Variants in SNRPD3 observed in about 807,000 individuals in gnomAD.
SNRPD3 encodes small nuclear ribonucleoprotein Sm D3.
For synonymous variants in SNRPD3, 66 were observed against 58.4 expected, an observed-to-expected ratio of 1.13 and a Z score of -0.59; for missense variants, 73 against 167.5, an observed-to-expected ratio of 0.44 and a Z score of 3.11.
Position 24,556,332 on chromosome 22 carries a change from C to A in SNRPD3, c.-19+261C>A, listed in dbSNP as rs562563021. The stretch of plus-strand genomic sequence containing the variant: ...CCAGGCAGTAATCTCGAAGTCATTT[C>A]TGATTGACTATCTCCTTCCCCCAAA... On this transcript the variant is annotated intron_variant, in intron 1 of 3. Coordinates refer to ENST00000215829, the MANE Select transcript of SNRPD3 (RefSeq NM_004175.5). Among the ~76,000 whole-genome samples the A allele has an allele frequency of 3.4e-4, 51 of 151,050 alleles. 1 individual carries two copies. Among genetic ancestry groups the A allele is most frequent in the East Asian group, 7.8e-4 (4 of 5,146 alleles).
upstream of SNRPD3, chr22:24,555,824 A>G (rs367997605): frequency 1.5e-5 from 23 of 1,545,900 alleles, no homozygotes; most frequent in Middle Eastern, 6.5e-4. Context: ...GGGCCCAGTC[A>G]TCAGCCCTCT....
Position 24,571,949 on chromosome 22 carries a change from G to C in SNRPD3, c.353G>C (p.Arg118Pro). ...AARGRGRGMGRGNIFQKRR is the reference protein window; with the variant it reads ...AARGRGRGMGPGNIFQKRR ...AGAGGAAGAGGACGTGGAATGGGAC[G>C]TGGAAACATCTTTCAAAAGCGAAGA... The change falls in exon 4 of 4, where the codon CGT becomes CCT. Residue 118 changes from arginine (R) to proline (P), a missense_variant. Transcript: ENST00000215829. 6.2e-7 allele frequency: 1 copy of C among 1,614,040 alleles called. No individual in the cohort carries two copies. Among genetic ancestry groups the C allele is most frequent in the Non-Finnish European group, 8.5e-7 (1 of 1,179,920 alleles).
chr22:24,568,018 G>A lies in SNRPD3; in HGVS notation c.161G>A (p.Arg54Gln), dbSNP rs1236010292. 1 of 1,611,034 alleles carries A rather than the reference G, an allele frequency of 6.2e-7. No homozygotes were observed. Among genetic ancestry groups the A allele is most frequent in the Non-Finnish European group, 8.5e-7 (1 of 1,178,838 alleles). Reference sequence around the variant, plus strand: ...ATCACAGTCACATACAGAGATGGCCGAGTGGCACAGCTGGAGCAGGTATAC... The same window carrying A: ...ATCACAGTCACATACAGAGATGGCCAAGTGGCACAGCTGGAGCAGGTATAC... ...SNITVTYRDG[R>Q]VAQLEQVYIR... Residue 54 changes from arginine to glutamine, a missense_variant, in exon 3 of 4, where the codon CGA becomes CAA. By Grantham distance (43) the Arg-to-Gln change is conservative (BLOSUM62 1). Transcript: ENST00000215829.
chr22:24,572,223 C>T lies in SNRPD3; in HGVS notation c.*246C>T. Reference sequence around the variant, plus strand: ...AAATTTTGACACCCTGGGGGATGTCCTGGGAGAATGCCAGTACTTTGAAAT... The same window carrying T: ...AAATTTTGACACCCTGGGGGATGTCTTGGGAGAATGCCAGTACTTTGAAAT... On this transcript the variant is annotated 3_prime_UTR_variant, in exon 4 of 4. Transcript: ENST00000215829. The T allele has an allele frequency of 1.5e-6, 1 of 666,862 alleles. No individual in the cohort carries two copies. Among genetic ancestry groups the T allele is most frequent in the Non-Finnish European group, 2.6e-6 (1 of 383,230 alleles). The allele number at this position is 666,862 out of a possible 1,614,324, so 41.3% of individuals were successfully genotyped here.
At chr22:24,561,064 CTTTTTTTTTTTTTT>C (rs1164120857) in intron 2 of SNRPD3, among the ~76,000 whole-genome samples, 3 of 61,690 alleles carry the variant, frequency 4.9e-5, no homozygotes, top group South Asian at 1.5e-3. Flanking sequence ...TTTTTCTTTT[CTTTTTTTTTTTTTT>C]TTTTTTTTTT....
In SNRPD3 at chr22:24,563,424, G is replaced by A. The variant is rs539220750; in HGVS notation, c.127-4560G>A. Among the ~76,000 whole-genome samples, 5 of 152,068 alleles carry A rather than the reference G, an allele frequency of 3.3e-5. No homozygotes were observed. In the South Asian group the frequency reaches 8.3e-4, roughly 25 times the overall value. On this transcript the variant is annotated intron_variant, in intron 2 of 3. Transcript: ENST00000215829. ...TCTGAGGTTAAGCTGGGAAGGCAGG[G>A]AGCTTTTGTTCTCCTTCTCATTCCG...
chr22:24,555,867 TAG>T (rs1441997042), upstream of SNRPD3: 2 of 1,524,730 alleles, frequency 1.3e-6, no homozygotes, highest in Admixed American at 3.9e-5. Flanking sequence ...ACTGGTGCCC[TAG>T]TTTCCCAGCC....
chr22:24,562,480 C>CACGGTTAGCCGAGA, intron 2 of SNRPD3, among the ~76,000 whole-genome samples: 1 of 152,038 alleles, frequency 6.6e-6, no homozygotes, highest in African/African-American at 2.4e-5. Context: ...GGAGGCAGAG[C>CACGGTTAGCCGAGA]TTGCAATGAG....
intron 2 of SNRPD3, among the ~76,000 whole-genome samples, chr22:24,564,859 C>G (rs2045180787): frequency 1.3e-5 from 2 of 150,400 alleles, no homozygotes; most frequent in Admixed American, 1.3e-4. Flanking sequence ...ATAGAGACAG[C>G]ATTTAGACAT....
chr22:24,568,133 C>T lies in SNRPD3; in HGVS notation c.276C>T (p.Gly92=), dbSNP rs1356161459. The T allele has an allele frequency of 1.9e-6, 3 of 1,613,986 alleles. No homozygotes were observed. Among genetic ancestry groups the T allele is most frequent in the South Asian group, 2.2e-5 (2 of 91,060 alleles). ...MLKSMKNKNQ[G]SGAGRGKAAI... ...AGAGCATGAAAAATAAAAACCAAGG[C>T]TCAGGGGCTGGCCGAGGAAAAGCTG... Residue 92 remains glycine, a synonymous_variant, in exon 3 of 4, where the codon GGC becomes GGT. Coordinates refer to ENST00000215829, the MANE Select transcript of SNRPD3 (RefSeq NM_004175.5).
At position 24,559,895 on chromosome 22, in the gene SNRPD3, G is replaced by A. The variant is rs146711207; in HGVS notation, c.126+2095G>A. Among the ~76,000 whole-genome samples, 483 of 152,094 alleles carry A rather than the reference G, an allele frequency of 3.2e-3. 9 individuals carry two copies. Among genetic ancestry groups the A allele is most frequent in the Admixed American group, 0.026 (400 of 15,260 alleles). ...TGAGATCAAGGTGTTGGCAAGGCTGGTTTCTTCTGAGGAATGTGAAGGAAG... is the reference window on the plus strand; with the variant it reads ...TGAGATCAAGGTGTTGGCAAGGCTGATTTCTTCTGAGGAATGTGAAGGAAG... On this transcript the variant is annotated intron_variant, in intron 2 of 3. Transcript: ENST00000215829.
At chr22:24,556,601 T>G (rs2045071432) in intron 1 of SNRPD3, among the ~76,000 whole-genome samples, 1 of 152,250 alleles carries the variant, frequency 6.6e-6, no homozygotes, top group Admixed American at 6.5e-5. Context: ...GCAGCAGTTT[T>G]AACTGTTGCA....
Position 24,574,829 on chromosome 22 carries a change from C to T in SNRPD3, c.*2852C>T, listed in dbSNP as rs761058844. On this transcript the variant is annotated 3_prime_UTR_variant, in exon 4 of 4. Transcript: ENST00000215829. ...GATTATAGGTGTGAGCCACTGCACC[C>T]GGCCACCATTATCTTTTGAATCCTC... Among the ~76,000 whole-genome samples, 15 of 152,230 alleles carry T rather than the reference C, an allele frequency of 9.9e-5. No homozygotes were observed. The highest frequency in any genetic ancestry group is 1.9e-4 in the East Asian group (1 of 5,186).
At chr22:24,565,913 C>T (rs1413010020) in intron 2 of SNRPD3, among the ~76,000 whole-genome samples, 1 of 152,124 alleles carries the variant, frequency 6.6e-6, no homozygotes, top group African/African-American at 2.4e-5. Context: ...TCCCAAAGTG[C>T]TGGGATTACA....
chr22:24,556,262 C>T (rs778464529), intron 1 of SNRPD3, among the ~76,000 whole-genome samples, 191 bp downstream of exon 1: 1 of 152,224 alleles, frequency 6.6e-6, no homozygotes. Flanking sequence ...AACGTGCATG[C>T]TTCTCACATT....
chr22:24,567,429 C>T (rs2045206594), intron 2 of SNRPD3, among the ~76,000 whole-genome samples: 2 of 152,122 alleles, frequency 1.3e-5, no homozygotes, highest in Non-Finnish European at 2.9e-5. Context: ...GGGATAACTG[C>T]TTTGGTTTTT....
intron 2 of SNRPD3, among the ~76,000 whole-genome samples, chr22:24,566,581 G>A (rs1414832388): frequency 1.3e-5 from 2 of 152,180 alleles, no homozygotes; most frequent in East Asian, 3.9e-4. Context: ...TCTTTTCTGA[G>A]TGTTCAAGCA....
rs2045256310 is a variant in SNRPD3, at chr22:24,572,191, T to C, written c.*214T>C. On this transcript the variant is annotated 3_prime_UTR_variant, in exon 4 of 4. Coordinates refer to ENST00000215829, the MANE Select transcript of SNRPD3 (RefSeq NM_004175.5). ...GACTTTGTGTTCATTTGAAGTTTGC[T>C]TTGGCTAAATTTTGACACCCTGGGG... 3.2e-6 allele frequency: 3 copies of C among 941,028 alleles called. No homozygotes were observed. The highest frequency in any genetic ancestry group is 4.9e-6 in the Non-Finnish European group (3 of 616,802). 58.3% of individuals were successfully genotyped at this position (941,028 alleles called of 1,614,324 possible).
chr22:24,561,073 T>TTTC (rs1362844757), intron 2 of SNRPD3, among the ~76,000 whole-genome samples: 12 of 128,380 alleles, frequency 9.3e-5, no homozygotes, highest in African/African-American at 3.7e-4. Context: ...TCTTTTTTTT[T>TTTC]TTTTTTTTTT....
Sources: allele counts gnomAD v4.1 joint callset (sites outside exome capture counted in the v4.1 genomes callset), GRCh38; gene constraint gnomAD v4.1.1; transcripts MANE v1.5; gene names NCBI Gene and HGNC (gene_info 2026-07-23, HGNC 2026-07-21).